The following TLR6 variants were observed in gnomAD, a reference collection of about 807,000 sequenced individuals.
The protein encoded by TLR6 is toll-like receptor 6.
A neutral mutation model predicts 16.1 loss-of-function variants in TLR6; 9 were observed. That is an observed-to-expected ratio of 0.56 (90% CI 0.34 to 0.98). The LOEUF (loss-of-function observed/expected upper bound fraction) is 0.98. Ranked by LOEUF, TLR6 falls within the 50% of genes least tolerant of loss-of-function variation. The pLI is 0.02. For missense variants in TLR6, 786 were observed against 921.0 expected (o/e 0.85, Z 1.90); for synonymous variants, 340 against 338.6 (o/e 1.00, Z -0.04).
chr4:38,835,410 A>G (rs1711860043), intron 1 of TLR6, among the ~76,000 whole-genome samples: 2 of 152,232 alleles, frequency 1.3e-5, no homozygotes, highest in South Asian at 4.1e-4. Context: ...TCAATTCATC[A>G]AAAGGATATA....
intron 1 of TLR6, among the ~76,000 whole-genome samples, chr4:38,839,119 G>C: frequency 9.4e-6 from 1 of 106,440 alleles, no homozygotes; most frequent in Non-Finnish European, 1.8e-5. Flanking sequence ...CAAAGGGAGG[G>C]GAGGAAGGGA....
exon 2 of TLR6, chr4:38,829,532 C>A (rs149062835): frequency 2.0e-6 from 2 of 986,998 alleles, no homozygotes; most frequent in African/African-American, 3.2e-5. Context: ...GATATGAGTC[C>A]AAATTCTAGA....
intron 1 of TLR6, among the ~76,000 whole-genome samples, chr4:38,829,965 G>C (rs1465633761): frequency 6.6e-6 from 1 of 152,230 alleles, no homozygotes; most frequent in Admixed American, 6.5e-5. Flanking sequence ...AATATGCAAA[G>C]ATATATGGAG....
the TLR6 span, among the ~76,000 whole-genome samples, chr4:38,866,679 A>G: frequency 6.6e-6 from 1 of 151,994 alleles, no homozygotes; most frequent in African/African-American, 2.4e-5. Flanking sequence ...ATTATAATAT[A>G]TAATAAATAG....
At chr4:38,829,423 A>C in exon 2 of TLR6, 1 of 1,613,848 alleles carries the variant, frequency 6.2e-7, no homozygotes, top group Non-Finnish European at 8.5e-7. Flanking sequence ...TTATGATCAT[A>C]AGGCAAACAA....
chr4:38,828,170 A>G, exon 2 of TLR6: 1 of 1,614,242 alleles, frequency 6.2e-7, no homozygotes, highest in Non-Finnish European at 8.5e-7. Context: ...ATTTGAAGAC[A>G]AATTTAACAC....
At chr4:38,829,118 G>A in exon 2 of TLR6, 1 of 1,614,094 alleles carries the variant, frequency 6.2e-7, no homozygotes, top group Non-Finnish European at 8.5e-7. Flanking sequence ...ACTCACAATA[G>A]GATGGCAGGA....
chr4:38,847,792 A>C (rs1002877733), intron 1 of TLR6, among the ~76,000 whole-genome samples: 1 of 152,190 alleles, frequency 6.6e-6, no homozygotes, highest in East Asian at 1.9e-4. Context: ...CAGGAAGCTC[A>C]AACTGGGTGG....
intron 1 of TLR6, among the ~76,000 whole-genome samples, chr4:38,839,040 GAA>G (rs1390799570): frequency 7.7e-6 from 1 of 129,852 alleles, no homozygotes; most frequent in Non-Finnish European, 1.6e-5. Flanking sequence ...GAAAGAGAGA[GAA>G]AGAAAGAAAA....
intron 1 of TLR6, among the ~76,000 whole-genome samples, chr4:38,845,908 A>G (rs1469021944): frequency 2.6e-5 from 4 of 152,062 alleles, no homozygotes; most frequent in Admixed American, 2.6e-4. Flanking sequence ...CCTGGCCAAC[A>G]TGGTGAAACC....
chr4:38,840,629 C>T (rs943210887), intron 1 of TLR6, among the ~76,000 whole-genome samples: 15 of 135,852 alleles, frequency 1.1e-4, no homozygotes, highest in Non-Finnish European at 1.9e-4. Context: ...GCAAGACTCC[C>T]TCTCAAAAAA....
intron 1 of TLR6, among the ~76,000 whole-genome samples, chr4:38,833,211 G>A (rs1199497918): frequency 6.6e-6 from 1 of 152,128 alleles, no homozygotes; most frequent in Non-Finnish European, 1.5e-5. Flanking sequence ...GTCCATTACT[G>A]CCACTGCAAG....
intron 1 of TLR6, among the ~76,000 whole-genome samples, chr4:38,854,219 A>G (rs1712876937): frequency 6.6e-6 from 1 of 152,214 alleles, no homozygotes; most frequent in African/African-American, 2.4e-5. Context: ...CATAACATCT[A>G]GATGAAACTC....
chr4:38,832,742 A>G (rs1474481416), intron 1 of TLR6, among the ~76,000 whole-genome samples: 4 of 152,132 alleles, frequency 2.6e-5, no homozygotes, highest in Admixed American at 2.6e-4. Flanking sequence ...AGCTAAGATC[A>G]GCAGTGCAGC....
chr4:38,836,980 T>C (rs914921284), intron 1 of TLR6, among the ~76,000 whole-genome samples: 1 of 150,952 alleles, frequency 6.6e-6, no homozygotes, highest in Admixed American at 6.6e-5. Context: ...GAAAGCAATC[T>C]TATTTGCATA....
exon 2 of TLR6, chr4:38,823,976 C>G (rs7664687): frequency 0.6 from 91,501 of 152,234 alleles, 28,609 homozygotes; most frequent in African/African-American, 0.77. Flanking sequence ...GGAGCAGCAC[C>G]CACCGCGAAG....
upstream of TLR6, among the ~76,000 whole-genome samples, chr4:38,858,974 A>G (rs936275496): frequency 6.6e-6 from 1 of 152,244 alleles, no homozygotes; most frequent in African/African-American, 2.4e-5. Flanking sequence ...AAATCTAGCC[A>G]TTTACACAGG....
intron 1 of TLR6, among the ~76,000 whole-genome samples, chr4:38,847,353 A>G (rs1449743339): frequency 6.6e-6 from 1 of 152,134 alleles, no homozygotes; most frequent in African/African-American, 2.4e-5. Flanking sequence ...AGCTCTCAGC[A>G]TAAGTGATGC....
exon 2 of TLR6, chr4:38,827,908 C>T: frequency 1.2e-6 from 2 of 1,614,144 alleles, no homozygotes; most frequent in Non-Finnish European, 1.7e-6. Flanking sequence ...CTTTTATTGA[C>T]CTCATCTTCT....
Sources: gnomAD v4.1 joint callset for allele counts (sites outside exome capture counted in the v4.1 genomes callset) on GRCh38, gnomAD v4.1.1 for gene constraint, MANE v1.5 for transcripts, NCBI Gene and HGNC (gene_info 2026-07-23, HGNC 2026-07-21) for gene names.